Variants in PPP1CB observed in about 807,000 individuals in gnomAD.
PPP1CB encodes the protein serine/threonine-protein phosphatase PP1-beta catalytic subunit.
Under a neutral mutation model 43.7 loss-of-function variants are expected in PPP1CB, and 2 were observed. That is an observed-to-expected ratio of 0.05 (90% CI 0.02 to 0.14). PPP1CB has a LOEUF of 0.14. PPP1CB is among the 10% of genes least tolerant of loss of function. The pLI, the probability that PPP1CB is intolerant of heterozygous loss-of-function variation, is 1.00. For missense variants in PPP1CB, 84 were observed against 398.0 expected, an observed-to-expected ratio of 0.21 and a Z score of 6.71; for synonymous variants, 136 against 135.6, an observed-to-expected ratio of 1.00 and a Z score of -0.02.
At chr2:28,785,894 G>A (rs1434318868) in intron 5 of PPP1CB, among the ~76,000 whole-genome samples, 1 of 151,934 alleles carries the variant, frequency 6.6e-6, no homozygotes, top group Non-Finnish European at 1.5e-5. Context: ...TCTGTTTATA[G>A]TTCAGATGTA....
At chr2:28,754,092 G>A (rs1336680936) in intron 1 of PPP1CB, among the ~76,000 whole-genome samples, 1 of 152,032 alleles carries the variant, frequency 6.6e-6, no homozygotes, top group Admixed American at 6.6e-5. Flanking sequence ...AAATATGTTT[G>A]TATCTCAATT....
chr2:28,788,900 C>A, intron 6 of PPP1CB, 91 bp downstream of exon 6: 2 of 1,308,166 alleles, frequency 1.5e-6, no homozygotes, highest in Non-Finnish European at 2.0e-6. Flanking sequence ...TTCTGTCACC[C>A]AGGCTGGAGT....
intron 1 of PPP1CB, among the ~76,000 whole-genome samples, chr2:28,763,690 T>C (rs1254567549): frequency 7.4e-6 from 1 of 134,762 alleles, no homozygotes. Context: ...GCCATTTTGG[T>C]CTCTGAATCC....
chr2:28,775,897 A>G (rs904891121), intron 1 of PPP1CB, among the ~76,000 whole-genome samples: 1 of 152,180 alleles, frequency 6.6e-6, no homozygotes, highest in Non-Finnish European at 1.5e-5. Flanking sequence ...TCAGTAATGC[A>G]AAGATGCCTC....
At chr2:28,769,357 C>G (rs1338347545) in intron 1 of PPP1CB, among the ~76,000 whole-genome samples, 2 of 152,216 alleles carry the variant, frequency 1.3e-5, no homozygotes, top group East Asian at 1.9e-4. Context: ...CTGCTTCAGC[C>G]TCCCGAGTAG....
At chr2:28,784,027 T>G in intron 5 of PPP1CB, 49 bp downstream of exon 5, 3 of 1,376,454 alleles carry the variant, frequency 2.2e-6, no homozygotes, top group Non-Finnish European at 3.1e-6. Context: ...GTTTTCATAT[T>G]TGAACTTGAT....
chr2:28,757,071 A>G (rs1423299052), intron 1 of PPP1CB, among the ~76,000 whole-genome samples: 1 of 150,000 alleles, frequency 6.7e-6, no homozygotes, highest in Non-Finnish European at 1.5e-5. Flanking sequence ...CCCGGCCCCC[A>G]CTAATCTACT....
At position 28,776,951 on chromosome 2, in the gene PPP1CB, T is replaced by G; in HGVS notation, c.153T>G (p.Leu51=). 1.2e-6 allele frequency: 2 copies of G among 1,613,664 alleles called. No homozygotes were observed. The highest frequency in any genetic ancestry group is 1.7e-4 in the Middle Eastern group (1 of 6,056). The change falls in exon 2 of 8, where the codon CTT becomes CTG. Residue 51 remains leucine (L), a synonymous_variant. Coordinates refer to ENST00000395366, the MANE Select transcript of PPP1CB (RefSeq NM_002709.3). ...AGATCTTTCTCAGCCAGCCTATTCT[T>G]TTGGAATTGGAAGCACCGCTGAAAA... ...SREIFLSQPI[L]LELEAPLKIC... is the part of the protein sequence containing the mutation.
intron 5 of PPP1CB, 108 bp from the exon 6 acceptor site, chr2:28,788,550 T>C (rs1667321601): frequency 1.7e-6 from 2 of 1,190,250 alleles, no homozygotes; most frequent in South Asian, 1.3e-5. Context: ...GGTCATTGTT[T>C]AGTAAAAGGT....
intron 1 of PPP1CB, among the ~76,000 whole-genome samples, chr2:28,773,010 A>G (rs1666947091): frequency 6.6e-6 from 1 of 152,194 alleles, no homozygotes; most frequent in South Asian, 2.1e-4. Context: ...TCAAATCAAT[A>G]TATACTGATA....
intron 3 of PPP1CB, among the ~76,000 whole-genome samples, chr2:28,781,250 T>G (rs578075427): frequency 6.6e-6 from 1 of 152,262 alleles, no homozygotes; most frequent in South Asian, 2.1e-4. Flanking sequence ...GTATTTATGA[T>G]GTACAACATG....
intron 1 of PPP1CB, among the ~76,000 whole-genome samples, chr2:28,764,226 C>T (rs77735493): frequency 4.6e-5 from 7 of 151,596 alleles, no homozygotes; most frequent in Admixed American, 6.6e-5. Flanking sequence ...TTTGGGAGGC[C>T]GAGGCAGGCG....
At chr2:28,787,231 G>A (rs564751803) in intron 5 of PPP1CB, among the ~76,000 whole-genome samples, 14 of 152,198 alleles carry the variant, frequency 9.2e-5, no homozygotes, top group Non-Finnish European at 1.0e-4. Flanking sequence ...AGGCCGAAGC[G>A]GGCGGATCAC....
Position 28,752,176 on chromosome 2 carries a change from G to T in PPP1CB, c.52G>T (p.Val18Leu). 6.5e-7 allele frequency: 1 copy of T among 1,546,194 alleles called. No individual in the cohort carries two copies. The highest frequency in any genetic ancestry group is 8.7e-7 in the Non-Finnish European group (1 of 1,144,496). The change falls in exon 1 of 8, where the codon GTA (valine) becomes TTA (leucine). Residue 18 changes from valine to leucine, a missense_variant and splice_region_variant. This residue lies in a region of PPP1CB where 27 missense variants were observed against 42.7 expected (regional missense o/e 0.63). Transcript: ENST00000395366. ...VDSLITRLLE[V>L]RGCRPGKIVQ... ...CAGCCTCATCACCCGGCTGCTGGAG[G>T]GTGAGTGCGCGCCTGGCCGCGGGAC...
intron 7 of PPP1CB, among the ~76,000 whole-genome samples, chr2:28,794,211 A>G (rs369138063): frequency 1.3e-5 from 2 of 152,246 alleles, no homozygotes; most frequent in Admixed American, 1.3e-4. Context: ...TAGGGAACCT[A>G]AGTTACGTCA....
intron 5 of PPP1CB, among the ~76,000 whole-genome samples, chr2:28,786,699 C>G (rs1667272454): frequency 7.4e-6 from 1 of 135,716 alleles, no homozygotes; most frequent in Admixed American, 9.3e-5. Context: ...GGCATGAACC[C>G]GGGAGGTGGA....
intron 1 of PPP1CB, among the ~76,000 whole-genome samples, chr2:28,774,937 G>A (rs750535552): frequency 1.3e-5 from 2 of 152,076 alleles, no homozygotes. Flanking sequence ...TAGCATATTT[G>A]CTAAAGCACA....
Position 28,756,628 on chromosome 2 carries a change from C to T in PPP1CB, c.52+4452C>T, listed in dbSNP as rs12162304. Among the ~76,000 whole-genome samples, 100 of 152,244 alleles carry T rather than the reference C, an allele frequency of 6.6e-4. 1 individual carries two copies. The East Asian group carries it at 0.014, about 21-fold the overall frequency. ...CCTCCCTAGTGGATGGGACCACAGG[C>T]ACATGACACCTTGGCTGGCTAATTT... On this transcript the variant is annotated intron_variant, in intron 1 of 7. Transcript: ENST00000395366.
intron 4 of PPP1CB, chr2:28,782,054 TAAGG>T (rs1667166119): frequency 1.7e-6 from 1 of 599,422 alleles, no homozygotes; most frequent in African/African-American, 1.9e-5. Flanking sequence ...GTTTCACATA[TAAGG>T]AGTGTAACTA....
Sources: gnomAD v4.1 joint callset for allele counts (sites outside exome capture counted in the v4.1 genomes callset) on GRCh38, gnomAD v4.1.1 for gene constraint, gnomAD v4.1.1 regional missense constraint, MANE v1.5 for transcripts, NCBI Gene and HGNC (gene_info 2026-07-23, HGNC 2026-07-21) for gene names.